Variants in PDS5B observed in about 807,000 individuals in gnomAD.
PDS5B encodes sister chromatid cohesion protein PDS5 homolog B.
In PDS5B, 51 loss-of-function variants were observed where a neutral mutation model predicts 184.1. The observed-to-expected ratio is 0.28, with a 90% CI of 0.22 to 0.35. The LOEUF is 0.35. Ranked by LOEUF, PDS5B falls within the 10% of genes least tolerant of loss-of-function variation. The pLI is 1.00. For missense variants in PDS5B, 1,180 were observed against 1,723.3 expected (o/e 0.68, Z 5.58); for synonymous variants, 566 against 569.2 (o/e 0.99, Z 0.08).
chr13:32,701,277 T>C, intron 16 of PDS5B, 46 bp from the exon 17 acceptor site: 1 of 973,492 alleles, frequency 1.0e-6, no homozygotes, highest in Non-Finnish European at 1.6e-6. Context: ...AACATAATGA[T>C]TTGTTTAAAT....
chr13:32,605,645 ATCTG>A (rs1247696798), intron 1 of PDS5B, among the ~76,000 whole-genome samples: 2 of 151,724 alleles, frequency 1.3e-5, no homozygotes, highest in African/African-American at 4.8e-5. Flanking sequence ...TTCTGTCTTG[ATCTG>A]TCTAATATCG....
At chr13:32,739,177 T>G (rs931175596) in intron 21 of PDS5B, among the ~76,000 whole-genome samples, 11 of 152,076 alleles carry the variant, frequency 7.2e-5, no homozygotes, top group African/African-American at 2.2e-4. Context: ...TTTTTTTTTT[T>G]GTATGCTGTG....
Position 32,694,225 on chromosome 13 carries a change from C to T in PDS5B, c.1472C>T (p.Ala491Val). The T allele has an allele frequency of 2.5e-6, 4 of 1,596,002 alleles. No individual in the cohort carries two copies. Among genetic ancestry groups the T allele is most frequent in the Non-Finnish European group, 3.4e-6 (4 of 1,168,578 alleles). The change falls in exon 14 of 35, where the codon GCA (alanine) becomes GTA (valine). Residue 491 changes from alanine (A) to valine (V), a missense_variant and splice_region_variant. Coordinates refer to ENST00000315596, the MANE Select transcript of PDS5B (RefSeq NM_015032.4). The stretch of plus-strand genomic sequence containing the variant: ...ATGTGTATGTTTGTGTTTTTCAGAG[C>T]ATTGAATGAAATGTGGAAATGTCAA... The part of the protein sequence containing the change: ...YATLDLNAVK[A>V]LNEMWKCQNL...
At chr13:32,764,309 A>G (rs528805144) in intron 30 of PDS5B, among the ~76,000 whole-genome samples, 180 bp from the exon 31 acceptor site, 47 of 152,296 alleles carry the variant, frequency 3.1e-4, no homozygotes, top group African/African-American at 1.1e-3. Context: ...TTTTCTCACT[A>G]TATTAAATTA....
rs376793725 is a variant in PDS5B, at chr13:32,648,756, G to A, written c.-17G>A. On this transcript the variant is annotated splice_region_variant and 5_prime_UTR_variant, in exon 2 of 35. Transcript: ENST00000315596. The stretch of plus-strand genomic sequence containing the variant: ...ATCTAATAGTTTTCTTGTTTCAGGG[G>A]TAGAAATATTTCTGTCATGGCTCAT... 2.9e-5 allele frequency: 32 copies of A among 1,118,714 alleles called. No homozygotes were observed. The highest frequency in any genetic ancestry group is 3.6e-5 in the Non-Finnish European group (26 of 731,420). The allele number at this position is 1,118,714 out of a possible 1,614,324, so 69.3% of individuals were successfully genotyped here. A position where few individuals can be genotyped will look rare whatever the true frequency, so the allele number is the denominator to read the frequency against.
At chr13:32,641,538 A>G (rs571258841) in intron 1 of PDS5B, among the ~76,000 whole-genome samples, 9 of 152,180 alleles carry the variant, frequency 5.9e-5, no homozygotes, top group South Asian at 2.1e-4. Context: ...GGTTTTTGTA[A>G]TATCACTATA....
Position 32,586,530 on chromosome 13 carries a change from C to T in PDS5B, c.-83C>T, listed in dbSNP as rs192150836. 1.2e-3 allele frequency: 182 copies of T among 151,992 alleles called. 2 individuals are homozygous for T. In the East Asian group the frequency reaches 0.031, roughly 26 times the overall value. 9.4% of individuals were successfully genotyped at this position (151,992 alleles called of 1,614,324 possible). On this transcript the variant is annotated 5_prime_UTR_variant, in exon 1 of 35. Transcript: ENST00000315596. Reference sequence around the variant, plus strand: ...GGGGGGGGGAGAAGGCGATTGGATGCGGCGGCGGCGGCGGATCCCGGAGAG... The same window carrying T: ...GGGGGGGGGAGAAGGCGATTGGATGTGGCGGCGGCGGCGGATCCCGGAGAG...
chr13:32,593,590 C>G (rs1296149325), intron 1 of PDS5B, among the ~76,000 whole-genome samples: 1 of 152,210 alleles, frequency 6.6e-6, no homozygotes, highest in African/African-American at 2.4e-5. Flanking sequence ...ATCCGCCCGC[C>G]TTGGCCTCCC....
At chr13:32,633,439 A>G (rs895161502) in intron 1 of PDS5B, among the ~76,000 whole-genome samples, 7 of 152,240 alleles carry the variant, frequency 4.6e-5, no homozygotes, top group African/African-American at 1.7e-4. Context: ...AAAACCAGCT[A>G]TCCGTGTTTG....
At chr13:32,676,260 G>A (rs1381798951) in intron 9 of PDS5B, among the ~76,000 whole-genome samples, 2 of 152,028 alleles carry the variant, frequency 1.3e-5, no homozygotes, top group Non-Finnish European at 2.9e-5. Flanking sequence ...TACGTCTTTG[G>A]GAGATATAGC....
Position 32,659,211 on chromosome 13 carries a change from T to C in PDS5B, c.555T>C (p.Ile185=), listed in dbSNP as rs773340246. 6.2e-7 allele frequency: 1 copy of C among 1,603,250 alleles called. No homozygotes were observed. The highest frequency in any genetic ancestry group is 1.1e-5 in the South Asian group (1 of 89,148). ...TGGTAGACCTTATGAGCTCTATTAT[T>C]TGTGAAGGTGATACAGTGTCTCAGG... ...MHMVDLMSSI[I]CEGDTVSQEL... Residue 185 remains isoleucine, a synonymous_variant, in exon 6 of 35, where the codon ATT becomes ATC. Coordinates refer to ENST00000315596, the MANE Select transcript of PDS5B (RefSeq NM_015032.4).
At chr13:32,723,556 G>T (rs1001801156) in intron 19 of PDS5B, among the ~76,000 whole-genome samples, 1 of 151,948 alleles carries the variant, frequency 6.6e-6, no homozygotes, top group African/African-American at 2.4e-5. Context: ...TTTTCTTTAT[G>T]TTCATTGTTT....
chr13:32,667,123 G>A (rs1248876634), intron 6 of PDS5B, among the ~76,000 whole-genome samples: 1 of 152,004 alleles, frequency 6.6e-6, no homozygotes, highest in Non-Finnish European at 1.5e-5. Context: ...CTGTTCTCTG[G>A]AATATGTTTA....
intron 24 of PDS5B, among the ~76,000 whole-genome samples, chr13:32,747,681 AATTG>A (rs1161911720): frequency 1.3e-5 from 2 of 152,174 alleles, no homozygotes; most frequent in Non-Finnish European, 2.9e-5. Context: ...AGAAACTGAA[AATTG>A]TTTAAAAAGC....
chr13:32,766,083 C>T lies in PDS5B; in HGVS notation c.3624+1489C>T, dbSNP rs145556821. Among the ~76,000 whole-genome samples the T allele has an allele frequency of 9.1e-4, 139 of 152,278 alleles. 3 individuals are homozygous for T. In the East Asian group the frequency reaches 0.022, roughly 24 times the overall value. On this transcript the variant is annotated intron_variant, in intron 31 of 34. Coordinates refer to ENST00000315596, the MANE Select transcript of PDS5B (RefSeq NM_015032.4). Reference sequence around the variant, plus strand: ...TGAATTGGAAAAGGTATTATGTCTTCTTAGTTCTCACTTACTGCAGAAATT... The same window carrying T: ...TGAATTGGAAAAGGTATTATGTCTTTTTAGTTCTCACTTACTGCAGAAATT...
chr13:32,753,390 G>A lies in PDS5B; in HGVS notation c.2795G>A (p.Arg932His), dbSNP rs762827021. The change falls in exon 25 of 35, where the codon CGT becomes CAT. Residue 932 changes from arginine to histidine, a missense_variant. Coordinates refer to ENST00000315596, the MANE Select transcript of PDS5B (RefSeq NM_015032.4). ...FAQKLHKGLS[R>H]LRLPLEYMAI... is the part of the protein sequence containing the mutation. Reference sequence around the variant, plus strand: ...CAGAAACTTCACAAAGGCCTTTCCCGTTTACGGCTTCCACTTGAGTATATG... The same window carrying A: ...CAGAAACTTCACAAAGGCCTTTCCCATTTACGGCTTCCACTTGAGTATATG... 1.9e-6 allele frequency: 3 copies of A among 1,613,862 alleles called. No individual in the cohort carries two copies. The highest frequency in any genetic ancestry group is 2.2e-5 in the South Asian group (2 of 91,050).
intron 24 of PDS5B, among the ~76,000 whole-genome samples, chr13:32,746,898 G>A (rs558736984): frequency 6.6e-6 from 1 of 152,244 alleles, no homozygotes; most frequent in South Asian, 2.1e-4. Flanking sequence ...AAATTTTAAC[G>A]AGTATGCAAA....
chr13:32,659,878 A>G (rs1184951416), intron 6 of PDS5B, among the ~76,000 whole-genome samples: 1 of 152,180 alleles, frequency 6.6e-6, no homozygotes, highest in Non-Finnish European at 1.5e-5. Context: ...TGCAAATATA[A>G]GACCTCTCTG....
chr13:32,670,190 T>C (rs1385228837), intron 7 of PDS5B, among the ~76,000 whole-genome samples: 2 of 151,666 alleles, frequency 1.3e-5, no homozygotes, highest in Non-Finnish European at 2.9e-5. Context: ...ATCACTGTGG[T>C]GGTATAGGTT....
Sources: allele counts gnomAD v4.1 joint callset (sites outside exome capture counted in the v4.1 genomes callset), GRCh38; gene constraint gnomAD v4.1.1; transcripts MANE v1.5; gene names NCBI Gene and HGNC (gene_info 2026-07-23, HGNC 2026-07-21).